Variants in NR5A2 observed in about 807,000 individuals in gnomAD.
NR5A2 encodes the protein CYP7A promoter-binding factor.
Under a neutral mutation model 62.7 loss-of-function variants are expected in NR5A2, and 26 were observed. That is an observed-to-expected ratio of 0.41 (90% CI 0.30 to 0.58). NR5A2 has a LOEUF of 0.58. NR5A2 is among the 20% of genes least tolerant of loss of function. NR5A2 has a pLI of 0.22. For missense variants in NR5A2, 541 were observed against 669.1 expected (o/e 0.81, Z 2.11); for synonymous variants, 246 against 241.7 (o/e 1.02, Z -0.16).
chr1:200,150,852 C>A (rs1389670201), intron 7 of NR5A2, among the ~76,000 whole-genome samples: 1 of 152,158 alleles, frequency 6.6e-6, no homozygotes, highest in Non-Finnish European at 1.5e-5. Context: ...TCTTAGAGGT[C>A]AGAAACCGCT....
chr1:200,150,078 A>G (rs907028083), intron 7 of NR5A2, among the ~76,000 whole-genome samples: 1 of 151,238 alleles, frequency 6.6e-6, no homozygotes, highest in Non-Finnish European at 1.5e-5. Context: ...GGTTGGTTGG[A>G]TGGATAAACA....
chr1:200,047,423 G>A (rs1034795774), intron 4 of NR5A2, among the ~76,000 whole-genome samples: 1 of 152,138 alleles, frequency 6.6e-6, no homozygotes, highest in African/African-American at 2.4e-5. Flanking sequence ...TTGTGGGAAA[G>A]TATTCACAAT....
intron 1 of NR5A2, among the ~76,000 whole-genome samples, chr1:200,035,242 A>T (rs939527284): frequency 6.6e-6 from 1 of 152,158 alleles, no homozygotes; most frequent in African/African-American, 2.4e-5. Flanking sequence ...CTGGTTTCTT[A>T]AAAAGCACCA....
At chr1:200,078,694 T>C (rs1372224441) in intron 5 of NR5A2, among the ~76,000 whole-genome samples, 1 of 152,240 alleles carries the variant, frequency 6.6e-6, no homozygotes, top group Non-Finnish European at 1.5e-5. Flanking sequence ...TTGGACTTCT[T>C]TAAAGTAACT....
chr1:200,043,175 T>A (rs554151013), intron 2 of NR5A2, among the ~76,000 whole-genome samples: 1 of 152,344 alleles, frequency 6.6e-6, no homozygotes, highest in Non-Finnish European at 1.5e-5. Flanking sequence ...GTACTGTCAA[T>A]ACGGAACTGA....
At chr1:200,040,048 T>C (rs1468059825) in intron 2 of NR5A2, among the ~76,000 whole-genome samples, 1 of 152,180 alleles carries the variant, frequency 6.6e-6, no homozygotes, top group Non-Finnish European at 1.5e-5. Context: ...TCCAGCTCTA[T>C]GGCAACCCAA....
At chr1:200,029,948 C>G (rs958523661) in intron 1 of NR5A2, among the ~76,000 whole-genome samples, 1 of 152,156 alleles carries the variant, frequency 6.6e-6, no homozygotes, top group African/African-American at 2.4e-5. Context: ...GGGTGAATGG[C>G]TGGACGGAGC....
chr1:200,065,519 C>T (rs1663427716), intron 5 of NR5A2, among the ~76,000 whole-genome samples: 1 of 152,192 alleles, frequency 6.6e-6, no homozygotes. Context: ...CCAAATCATC[C>T]TTCCAGTATA....
At chr1:200,121,324 T>C (rs1455391303) in intron 7 of NR5A2, among the ~76,000 whole-genome samples, 1 of 152,252 alleles carries the variant, frequency 6.6e-6, no homozygotes, top group Non-Finnish European at 1.5e-5. Context: ...GTAATTTCTA[T>C]GTGCCTTTCG....
rs1012855004 is a variant in NR5A2, at chr1:200,111,883, G to A, written c.1230+562G>A. 7.2e-5 allele frequency among the ~76,000 whole-genome samples: 11 copies of A among 152,166 alleles called. No homozygotes were observed. In the East Asian group the frequency reaches 1.4e-3, roughly 19 times the overall value. On this transcript the variant is annotated intron_variant, in intron 6 of 7. Transcript: ENST00000367362. ...CACCTTTCTGAACAGATGTTTGTTC[G>A]ATCAACAAAAATTTATTGAGCATCC...
At chr1:200,095,549 C>G (rs140690743) in intron 5 of NR5A2, among the ~76,000 whole-genome samples, 76 of 152,016 alleles carry the variant, frequency 5.0e-4, no homozygotes, top group Non-Finnish European at 9.4e-4. Context: ...TTAACCATCA[C>G]CAAGTAATAT....
At chr1:200,149,961 A>G (rs558167433) in intron 7 of NR5A2, among the ~76,000 whole-genome samples, 1 of 152,312 alleles carries the variant, frequency 6.6e-6, no homozygotes, top group African/African-American at 2.4e-5. Flanking sequence ...ATAATATCCA[A>G]GTCATTCGTT....
intron 7 of NR5A2, among the ~76,000 whole-genome samples, chr1:200,172,439 A>G (rs925846128): frequency 6.6e-6 from 1 of 152,190 alleles, no homozygotes; most frequent in Non-Finnish European, 1.5e-5. Flanking sequence ...AGAGCTCCTT[A>G]TTGTGTAGTA....
At chr1:200,168,578 A>ATG (rs1390343079) in intron 7 of NR5A2, among the ~76,000 whole-genome samples, 2 of 151,846 alleles carry the variant, frequency 1.3e-5, no homozygotes, top group East Asian at 1.9e-4. Context: ...GTGTGTGTGC[A>ATG]TGTGTGTGTG....
chr1:200,096,420 G>T (rs1450268717), intron 5 of NR5A2, among the ~76,000 whole-genome samples: 3 of 152,216 alleles, frequency 2.0e-5, no homozygotes, highest in Non-Finnish European at 2.9e-5. Flanking sequence ...AACACAACAG[G>T]GTATGAGTTG....
intron 5 of NR5A2, among the ~76,000 whole-genome samples, chr1:200,053,569 G>GCACACACACAAACACACA (rs1662762649): frequency 7.0e-6 from 1 of 141,994 alleles, no homozygotes; most frequent in Non-Finnish European, 1.5e-5. Context: ...GCATGCACAC[G>GCACACACACAAACACACA]CACACACACA....
intron 7 of NR5A2, among the ~76,000 whole-genome samples, chr1:200,128,329 T>C (rs946008240): frequency 3.9e-5 from 6 of 152,136 alleles, no homozygotes; most frequent in Admixed American, 3.9e-4. Flanking sequence ...CTGGATATTG[T>C]CAGTTTTGTT....
At chr1:200,166,657 G>A (rs151218599) in intron 7 of NR5A2, among the ~76,000 whole-genome samples, 449 of 152,270 alleles carry the variant, frequency 2.9e-3, no homozygotes, top group African/African-American at 0.01. Flanking sequence ...GAGCCCTGCA[G>A]GGTTCAGATT....
At chr1:200,057,215 G>A (rs528450663) in intron 5 of NR5A2, among the ~76,000 whole-genome samples, 1 of 152,194 alleles carries the variant, frequency 6.6e-6, no homozygotes, top group East Asian at 1.9e-4. Flanking sequence ...TCTGCTCTAG[G>A]TCATATGGTA....
Sources: gnomAD v4.1 joint callset for allele counts (sites outside exome capture counted in the v4.1 genomes callset) on GRCh38, gnomAD v4.1.1 for gene constraint, MANE v1.5 for transcripts, NCBI Gene and HGNC (gene_info 2026-07-23, HGNC 2026-07-21) for gene names.